The following MYO6 variants were observed in gnomAD, a reference collection of about 807,000 sequenced individuals.
MYO6 encodes the protein unconventional myosin-VI.
Under a neutral mutation model 178.7 loss-of-function variants are expected in MYO6, and 74 were observed. The observed-to-expected ratio is 0.41, with a 90% CI of 0.34 to 0.50. MYO6 has a LOEUF of 0.50. Among genes scored for constraint, MYO6 ranks in the 20% least tolerant of loss-of-function variants. MYO6 has a pLI of 0.09. For synonymous variants in MYO6, 477 were observed against 504.6 expected, an observed-to-expected ratio of 0.95 and a Z score of 0.73; for missense variants, 1,330 against 1,547.4, an observed-to-expected ratio of 0.86 and a Z score of 2.36.
At chr6:75,822,216 G>A (rs185412383) in intron 2 of MYO6, among the ~76,000 whole-genome samples, 1 of 151,986 alleles carries the variant, frequency 6.6e-6, no homozygotes, top group African/African-American at 2.4e-5. Flanking sequence ...TCCTGCCTCA[G>A]CCTCCCCAGT....
chr6:75,809,599 A>G (rs1394144743), intron 1 of MYO6, among the ~76,000 whole-genome samples: 1 of 152,128 alleles, frequency 6.6e-6, no homozygotes, highest in African/African-American at 2.4e-5. Flanking sequence ...TGGAAGGTAT[A>G]TATTGATTCT....
chr6:75,798,942 G>A (rs1182078366), intron 1 of MYO6, among the ~76,000 whole-genome samples: 1 of 152,190 alleles, frequency 6.6e-6, no homozygotes, highest in African/African-American at 2.4e-5. Context: ...AAAATAAGTA[G>A]TATTTCTAAA....
intron 11 of MYO6, among the ~76,000 whole-genome samples, chr6:75,853,699 G>T (rs1775483784): frequency 2.0e-5 from 3 of 151,978 alleles, no homozygotes; most frequent in Admixed American, 2.0e-4. Context: ...TTATGAATTT[G>T]TCATAAAATT....
At position 75,873,192 on chromosome 6, in the gene MYO6, C is replaced by T; in HGVS notation, c.1984-15C>T. 1.9e-6 allele frequency: 3 copies of T among 1,604,234 alleles called. No homozygotes were observed. Among genetic ancestry groups the T allele is most frequent in the Non-Finnish European group, 2.6e-6 (3 of 1,171,230 alleles). On this transcript the variant is annotated splice_polypyrimidine_tract_variant and intron_variant, in intron 19 of 34. Transcript: ENST00000369977. ...GCTATATGTATTGTAACAAAAAGTA[C>T]CTTTATTTTCCTAGGGAGCAAGCTT...
chr6:75,877,779 TA>T (rs936817640), intron 20 of MYO6, among the ~76,000 whole-genome samples: 55 of 149,888 alleles, frequency 3.7e-4, no homozygotes, highest in Non-Finnish European at 4.5e-4. Context: ...CCTTAGTGGT[TA>T]AAAAAAAAAT....
At chr6:75,903,092 A>G (rs1253467584) in intron 30 of MYO6, among the ~76,000 whole-genome samples, 1 of 152,118 alleles carries the variant, frequency 6.6e-6, no homozygotes, top group Non-Finnish European at 1.5e-5. Flanking sequence ...TCTGAGAGAT[A>G]GTTTGTTATA....
intron 16 of MYO6, among the ~76,000 whole-genome samples, chr6:75,863,578 T>C (rs1226627516): frequency 6.6e-6 from 1 of 151,954 alleles, no homozygotes; most frequent in South Asian, 2.1e-4. Context: ...CTCCGCATCT[T>C]GGTTTCAAGT....
chr6:75,784,261 G>C (rs1767286267), intron 1 of MYO6, among the ~76,000 whole-genome samples: 1 of 151,780 alleles, frequency 6.6e-6, no homozygotes, highest in South Asian at 2.1e-4. Flanking sequence ...GTGAGCCACC[G>C]TGCCCAGCCA....
In MYO6 at chr6:75,753,331, A is replaced by C. The variant is rs982946930; in HGVS notation, c.-48+3908A>C. On this transcript the variant is annotated intron_variant, in intron 1 of 34. Transcript: ENST00000369977. ...CTAATATAAATTAGTAATATTACTA[A>C]TATAAATTGGTAATAGATCTGTGAC... Among the ~76,000 whole-genome samples the C allele has an allele frequency of 3.3e-5, 5 of 152,062 alleles. No individual in the cohort carries two copies. The South Asian group carries it at 6.2e-4, about 19-fold the overall frequency.
At chr6:75,817,469 T>G (rs1771392327) in intron 1 of MYO6, 32 bp from the exon 2 acceptor site, 1 of 1,078,524 alleles carries the variant, frequency 9.3e-7, no homozygotes, top group Non-Finnish European at 1.4e-6. Flanking sequence ...TCAAAACTGA[T>G]TCATGTTGCT....
rs192491259 is a variant in MYO6 at position 75,906,474 on chromosome 6, G to A, written c.3177-1131G>A. Reference sequence around the variant, plus strand: ...GCAGATCACTTGAGCTCAGGAGTTCGAGACCAGCCTGGGCAACATGGCAAG... The same window carrying A: ...GCAGATCACTTGAGCTCAGGAGTTCAAGACCAGCCTGGGCAACATGGCAAG... On this transcript the variant is annotated intron_variant, in intron 30 of 34. Coordinates refer to ENST00000369977, the MANE Select transcript of MYO6 (RefSeq NM_004999.4). 4.6e-4 allele frequency among the ~76,000 whole-genome samples: 70 copies of A among 152,140 alleles called. 2 individuals are homozygous for A. The highest frequency in any genetic ancestry group is 1.3e-3 in the African/African-American group (56 of 41,500).
At chr6:75,801,140 C>T (rs1769411917) in intron 1 of MYO6, among the ~76,000 whole-genome samples, 1 of 152,148 alleles carries the variant, frequency 6.6e-6, no homozygotes, top group African/African-American at 2.4e-5. Flanking sequence ...AAGAACTTCC[C>T]TGAGACTGGG....
In MYO6 at chr6:75,914,263, C is replaced by T. The variant is rs779683115; in HGVS notation, c.3640C>T (p.Pro1214Ser). The change falls in exon 34 of 35, where the codon CCC becomes TCC. Residue 1214 changes from proline (P) to serine (S), a missense_variant. Around this residue, in one of 3 missense-constraint regions of MYO6, gnomAD observed 601 missense variants for 626.1 expected, o/e 0.96. Coordinates refer to ENST00000369977, the MANE Select transcript of MYO6 (RefSeq NM_004999.4). ...AATGGAACTCCATCCTGACAAGCCA[C>T]CCATCCTACTTGTGGCTGGTGTGTA... ...RQMELHPDKPPILLVAGKDDM... is the reference protein window; with the variant it reads ...RQMELHPDKPSILLVAGKDDM... 3.1e-6 allele frequency: 5 copies of T among 1,614,050 alleles called. No individual in the cohort carries two copies. The highest frequency in any genetic ancestry group is 1.3e-5 in the African/African-American group (1 of 74,914).
intron 9 of MYO6, among the ~76,000 whole-genome samples, 157 bp from the exon 10 acceptor site, chr6:75,844,735 TATAAA>T (rs1398737867): frequency 6.6e-6 from 1 of 152,136 alleles, no homozygotes; most frequent in Non-Finnish European, 1.5e-5. Context: ...AGAAAATGCT[TATAAA>T]ATATAGAAGT....
intron 1 of MYO6, among the ~76,000 whole-genome samples, chr6:75,783,813 A>AT (rs943562287): frequency 1.3e-5 from 2 of 152,054 alleles, no homozygotes; most frequent in African/African-American, 4.8e-5. Flanking sequence ...TTATTTGTGA[A>AT]TTTTTTAAGG....
intron 19 of MYO6, among the ~76,000 whole-genome samples, chr6:75,871,431 G>A (rs925869842): frequency 1.3e-5 from 2 of 152,044 alleles, no homozygotes; most frequent in African/African-American, 4.8e-5. Flanking sequence ...TGTATTTTTT[G>A]TAGATATGAG....
At chr6:75,814,959 A>G (rs1771072873) in intron 1 of MYO6, among the ~76,000 whole-genome samples, 1 of 152,168 alleles carries the variant, frequency 6.6e-6, no homozygotes, top group Admixed American at 6.5e-5. Flanking sequence ...TTACCAGTGA[A>G]TATTGAGTTG....
intron 11 of MYO6, among the ~76,000 whole-genome samples, chr6:75,852,514 C>T (rs1032534244): frequency 9.2e-5 from 14 of 152,238 alleles, no homozygotes; most frequent in African/African-American, 3.4e-4. Flanking sequence ...CCTCATTGCC[C>T]ACTTCTCTCA....
chr6:75,791,121 AT>A (rs1768192448), intron 1 of MYO6, among the ~76,000 whole-genome samples: 1 of 151,996 alleles, frequency 6.6e-6, no homozygotes. Context: ...TTTAGTAGAG[AT>A]GGGGGTTTCA....
Sources: gnomAD v4.1 joint callset for allele counts (sites outside exome capture counted in the v4.1 genomes callset) on GRCh38, gnomAD v4.1.1 for gene constraint, gnomAD v4.1.1 regional missense constraint, MANE v1.5 for transcripts, NCBI Gene and HGNC (gene_info 2026-07-23, HGNC 2026-07-21) for gene names.